SLC12A3: variants seen among roughly 807,000 people sequenced by gnomAD.
SLC12A3 encodes solute carrier family 12 member 3, also known as Na-Cl cotransporter.
SLC12A3 carries 104 observed loss-of-function variants against 121.0 expected under a neutral mutation model. The ratio of observed to expected loss-of-function variants is 0.86; its 90% CI spans 0.73 to 1.01. The LOEUF (loss-of-function observed/expected upper bound fraction) is 1.01, where lower values mean the gene tolerates loss of function less well. Ranked by LOEUF, SLC12A3 falls within the 50% of genes least tolerant of loss-of-function variation. SLC12A3 has a pLI of 0.00. For synonymous variants in SLC12A3, 536 were observed against 533.4 expected (o/e 1.00, Z -0.07); for missense variants, 1,328 against 1,356.3 (o/e 0.98, Z 0.33).
intron 8 of SLC12A3, among the ~76,000 whole-genome samples, chr16:56,874,919 C>T (rs1198975744): frequency 3.3e-5 from 5 of 152,232 alleles, no homozygotes; most frequent in African/African-American, 1.2e-4. Flanking sequence ...AATTGGAGAA[C>T]AGCCGTTGGT....
chr16:56,889,151 G>C (rs1278242863), intron 18 of SLC12A3, among the ~76,000 whole-genome samples: 1 of 150,916 alleles, frequency 6.6e-6, no homozygotes, highest in Non-Finnish European at 1.5e-5. Context: ...TGAGGCTGAG[G>C]GTTGGGGCCC....
At chr16:56,893,477 T>C (rs1168599997) in intron 21 of SLC12A3, among the ~76,000 whole-genome samples, 1 of 152,220 alleles carries the variant, frequency 6.6e-6, no homozygotes, top group African/African-American at 2.4e-5. Flanking sequence ...TTCGCTCCAA[T>C]GGAACGAGTC....
intron 22 of SLC12A3, among the ~76,000 whole-genome samples, chr16:56,896,469 G>GCACAT (rs1358419369): frequency 6.6e-6 from 1 of 152,224 alleles, no homozygotes; most frequent in Non-Finnish European, 1.5e-5. Context: ...TGTTGGCTGG[G>GCACAT]CACAGTGGCT....
At chr16:56,890,912 A>C (rs2055380387) in intron 19 of SLC12A3, among the ~76,000 whole-genome samples, 1 of 151,824 alleles carries the variant, frequency 6.6e-6, no homozygotes, top group Non-Finnish European at 1.5e-5. Context: ...CAAAAAAAAA[A>C]AAAAAGATGT....
chr16:56,906,696 A>G (rs1284208043), intron 25 of SLC12A3: 3 of 538,018 alleles, frequency 5.6e-6, no homozygotes, highest in East Asian at 3.4e-5. Context: ...ACTGGATATC[A>G]TCTTTGCATT....
At chr16:56,903,664 G>A (rs1205375386) in intron 24 of SLC12A3, among the ~76,000 whole-genome samples, 1 of 152,138 alleles carries the variant, frequency 6.6e-6, no homozygotes, top group Non-Finnish European at 1.5e-5. Flanking sequence ...CCAGGATAGG[G>A]CATCCGTCCA....
chr16:56,865,748 G>A (rs1317516539), intron 1 of SLC12A3, among the ~76,000 whole-genome samples: 5 of 152,176 alleles, frequency 3.3e-5, no homozygotes, highest in Non-Finnish European at 7.4e-5. Context: ...GGCCTAGAGA[G>A]GTAATGAGCT....
At chr16:56,886,519 T>A in intron 16 of SLC12A3, 44 bp downstream of exon 16, 1 of 1,506,938 alleles carries the variant, frequency 6.6e-7, no homozygotes, top group Non-Finnish European at 9.2e-7. Context: ...GCATGGTGGC[T>A]CATGCCTGTA....
At chr16:56,887,728 C>T (rs925798386) in intron 17 of SLC12A3, among the ~76,000 whole-genome samples, 197 bp from the exon 18 acceptor site, 1 of 143,744 alleles carries the variant, frequency 7.0e-6, no homozygotes, top group Admixed American at 7.0e-5. Context: ...AGTCATCTTT[C>T]TCCCAATAAA....
intron 24 of SLC12A3, 145 bp from the exon 25 acceptor site, chr16:56,904,250 G>A (rs1367898262): frequency 2.5e-6 from 2 of 799,226 alleles, no homozygotes; most frequent in Admixed American, 1.8e-5. Context: ...CTGGAGACAG[G>A]AGACTCTATA....
At chr16:56,876,082 C>T (rs1304382238) in intron 8 of SLC12A3, among the ~76,000 whole-genome samples, 1 of 152,032 alleles carries the variant, frequency 6.6e-6, no homozygotes, top group Non-Finnish European at 1.5e-5. Context: ...AGGGGAGAAT[C>T]CTGCCTTGCC....
Position 56,887,772 on chromosome 16 carries a change from T to TTTTATATA in SLC12A3, c.2179-152_2179-151insTTATATAT, listed in dbSNP as rs796502149. On this transcript the variant is annotated intron_variant, in intron 17 of 25. Transcript: ENST00000563236. ...TTGTGCAAAACAAAAATTTTTAAGA[T>TTTTATATA]TATATATATATATATATATATATAT... 5.1e-3 allele frequency among the ~76,000 whole-genome samples: 306 copies of TTTTATATA among 59,670 alleles called. 7 individuals are homozygous for TTTTATATA. The highest frequency in any genetic ancestry group is 0.022 in the Middle Eastern group (2 of 92). The allele number at this position is 59,670 out of a possible 152,430, so 39.1% of individuals were successfully genotyped here. A position where few individuals can be genotyped will look rare whatever the true frequency, so the allele number is the denominator to read the frequency against.
chr16:56,892,574 G>A (rs2055403303), intron 20 of SLC12A3, among the ~76,000 whole-genome samples: 1 of 152,202 alleles, frequency 6.6e-6, no homozygotes, highest in South Asian at 2.1e-4. Flanking sequence ...TAGCCATGCA[G>A]GGTGGGGTGG....
chr16:56,886,061 C>T (rs1424614874), intron 15 of SLC12A3, among the ~76,000 whole-genome samples: 1 of 152,224 alleles, frequency 6.6e-6, no homozygotes. Flanking sequence ...CAGGTTTCCT[C>T]ACTCCCAGGC....
At chr16:56,865,652 C>G in intron 1 of SLC12A3, 135 bp downstream of exon 1, 1 of 969,978 alleles carries the variant, frequency 1.0e-6, no homozygotes, top group South Asian at 1.4e-5. Flanking sequence ...TTGAGAGGCC[C>G]CAGTGAAATA....
intron 22 of SLC12A3, among the ~76,000 whole-genome samples, chr16:56,895,382 T>C (rs1367407000): frequency 6.6e-6 from 1 of 150,380 alleles, no homozygotes; most frequent in Non-Finnish European, 1.5e-5. Flanking sequence ...TTAGTAGAGA[T>C]GGGGTTTCGC....
chr16:56,882,339 C>A, intron 12 of SLC12A3, 57 bp from the exon 13 acceptor site: 2 of 1,436,316 alleles, frequency 1.4e-6, no homozygotes, highest in Non-Finnish European at 9.8e-7. Flanking sequence ...GGGTGCCAAG[C>A]CAGTCCTTGG....
At chr16:56,886,618 C>T (rs372485502) in intron 16 of SLC12A3, 143 bp downstream of exon 16, 24 of 773,490 alleles carry the variant, frequency 3.1e-5, no homozygotes, top group Non-Finnish European at 4.2e-5. Context: ...CTGGGGGAGT[C>T]GCCTGGGTGT....
intron 13 of SLC12A3, among the ~76,000 whole-genome samples, chr16:56,883,292 T>C (rs1337842096): frequency 1.3e-5 from 2 of 149,176 alleles, no homozygotes. Context: ...TTTTTTTTTT[T>C]TTTTTTGAGA....
Sources: allele counts gnomAD v4.1 joint callset (sites outside exome capture counted in the v4.1 genomes callset), GRCh38; gene constraint gnomAD v4.1.1; transcripts MANE v1.5; gene names NCBI Gene and HGNC (gene_info 2026-07-23, HGNC 2026-07-21).